SDK1: variants seen among roughly 807,000 people sequenced by gnomAD.
SDK1 encodes the protein protein sidekick-1.
In SDK1, 157 loss-of-function variants were observed where a neutral mutation model predicts 245.5. That is an observed-to-expected ratio of 0.64 (90% CI 0.56 to 0.73). SDK1 has a LOEUF of 0.73. Ranked by LOEUF, SDK1 falls within the 30% of genes least tolerant of loss-of-function variation. The pLI is 0.00. For synonymous variants in SDK1, 1,647 were observed against 1,278.5 expected (o/e 1.29, Z -6.15); for missense variants, 3,583 against 3,002.3 (o/e 1.19, Z -4.52).
intron 1 of SDK1, among the ~76,000 whole-genome samples, chr7:3,315,587 A>C (rs373113681): frequency 6.6e-6 from 1 of 152,192 alleles, no homozygotes; most frequent in Non-Finnish European, 1.5e-5. Context: ...AATATGATGC[A>C]GTGAGTATGA....
intron 38 of SDK1, 74 bp downstream of exon 38, chr7:4,210,236 C>A: frequency 4.6e-6 from 6 of 1,300,136 alleles, no homozygotes; most frequent in Non-Finnish European, 6.0e-6. Flanking sequence ...ACACAGTGAG[C>A]CGCACCTGAC....
chr7:3,507,777 A>G (rs1483887088), intron 1 of SDK1, among the ~76,000 whole-genome samples: 1 of 152,144 alleles, frequency 6.6e-6, no homozygotes, highest in Non-Finnish European at 1.5e-5. Context: ...TTAGCATTGG[A>G]ATATGTGTTA....
At chr7:3,669,579 G>A (rs578156612) in intron 4 of SDK1, among the ~76,000 whole-genome samples, 13 of 152,018 alleles carry the variant, frequency 8.6e-5, no homozygotes, top group African/African-American at 2.9e-4. Context: ...AGACCTCTTT[G>A]CCAACTTGCC....
intron 5 of SDK1, among the ~76,000 whole-genome samples, chr7:3,888,400 G>T (rs962415402): frequency 6.6e-6 from 1 of 152,162 alleles, no homozygotes; most frequent in African/African-American, 2.4e-5. Flanking sequence ...GACATGAACC[G>T]TACCCCGCCT....
chr7:3,422,787 T>C (rs1156585928), intron 1 of SDK1, among the ~76,000 whole-genome samples: 1 of 152,180 alleles, frequency 6.6e-6, no homozygotes, highest in Non-Finnish European at 1.5e-5. Context: ...GAGGAAATGA[T>C]ACAAATATGA....
At chr7:3,593,536 T>G (rs183483780) in intron 1 of SDK1, among the ~76,000 whole-genome samples, 20 of 152,328 alleles carry the variant, frequency 1.3e-4, no homozygotes, top group African/African-American at 4.8e-4. Context: ...TCTCAAGATG[T>G]TTGTCTTTCC....
chr7:4,017,029 A>G, intron 16 of SDK1, 142 bp from the exon 17 acceptor site: 2 of 675,168 alleles, frequency 3.0e-6, no homozygotes, highest in East Asian at 3.1e-5. Flanking sequence ...GTTGGGAAAT[A>G]GTATTGTTTA....
chr7:4,040,332 C>T (rs561451077), intron 17 of SDK1, among the ~76,000 whole-genome samples: 1 of 152,162 alleles, frequency 6.6e-6, no homozygotes, highest in African/African-American at 2.4e-5. Flanking sequence ...TGAGTGTGCT[C>T]AGAGTCTGTA....
At chr7:3,583,514 A>G (rs960454354) in intron 1 of SDK1, among the ~76,000 whole-genome samples, 1 of 152,156 alleles carries the variant, frequency 6.6e-6, no homozygotes, top group African/African-American at 2.4e-5. Context: ...AGATCTTGAG[A>G]GGTTGCATCT....
At chr7:3,478,100 A>G (rs1198380945) in intron 1 of SDK1, among the ~76,000 whole-genome samples, 5 of 152,170 alleles carry the variant, frequency 3.3e-5, no homozygotes, top group African/African-American at 1.2e-4. Flanking sequence ...AAATCACTGT[A>G]TCAGTAAAAA....
At chr7:3,403,862 T>C (rs1399928361) in intron 1 of SDK1, among the ~76,000 whole-genome samples, 12 of 117,126 alleles carry the variant, frequency 1.0e-4, no homozygotes, top group African/African-American at 2.1e-4. Context: ...TATATATATA[T>C]ATATATAATA....
chr7:4,091,110 G>A (rs562038579), intron 22 of SDK1, among the ~76,000 whole-genome samples: 1 of 152,190 alleles, frequency 6.6e-6, no homozygotes, highest in East Asian at 1.9e-4. Context: ...CATATAAACT[G>A]AAGTTATCAA....
intron 4 of SDK1, among the ~76,000 whole-genome samples, chr7:3,676,198 T>C (rs1783889905): frequency 6.6e-6 from 1 of 151,948 alleles, no homozygotes; most frequent in African/African-American, 2.4e-5. Flanking sequence ...TTGTATTTTT[T>C]TGTGGAGACG....
intron 20 of SDK1, among the ~76,000 whole-genome samples, chr7:4,075,725 G>A (rs1780632441): frequency 6.6e-6 from 1 of 151,516 alleles, no homozygotes; most frequent in African/African-American, 2.4e-5. Flanking sequence ...CGCAATCTTG[G>A]CTCACTGCAA....
At chr7:3,318,221 G>C (rs2128546026) in intron 1 of SDK1, among the ~76,000 whole-genome samples, 1 of 152,248 alleles carries the variant, frequency 6.6e-6, no homozygotes, top group South Asian at 2.1e-4. Flanking sequence ...TTACAAACAT[G>C]CACACACAGA....
chr7:3,786,901 A>C (rs957905106), intron 4 of SDK1, among the ~76,000 whole-genome samples: 1 of 152,086 alleles, frequency 6.6e-6, no homozygotes, highest in Non-Finnish European at 1.5e-5. Context: ...ACTAATCCAT[A>C]TAAAAGTCAT....
intron 44 of SDK1, among the ~76,000 whole-genome samples, chr7:4,248,368 A>G (rs1435294225): frequency 2.3e-5 from 3 of 129,888 alleles, no homozygotes; most frequent in Admixed American, 7.6e-5. Flanking sequence ...TTACCTAAAT[A>G]CAACATACAC....
chr7:4,167,989 A>G (rs971625086), intron 32 of SDK1, among the ~76,000 whole-genome samples: 2 of 152,162 alleles, frequency 1.3e-5, no homozygotes, highest in African/African-American at 4.8e-5. Flanking sequence ...GCACCTCCGG[A>G]GTTGGAGAGC....
At chr7:3,502,534 C>A (rs1308266792) in intron 1 of SDK1, among the ~76,000 whole-genome samples, 1 of 152,208 alleles carries the variant, frequency 6.6e-6, no homozygotes, top group Non-Finnish European at 1.5e-5. Context: ...CAGGCGTGAA[C>A]CGCCATTCCC....
Sources: allele counts gnomAD v4.1 joint callset (sites outside exome capture counted in the v4.1 genomes callset), GRCh38; gene constraint gnomAD v4.1.1; transcripts MANE v1.5; gene names NCBI Gene and HGNC (gene_info 2026-07-23, HGNC 2026-07-21).